The following CFAP68 variants were observed in gnomAD, a reference collection of about 807,000 sequenced individuals.
CFAP68 encodes the protein cilia and flagella associated protein 68.
chr11:111,882,566 A>T, the CFAP68 span: 2 of 1,609,642 alleles, frequency 1.2e-6, no homozygotes, highest in South Asian at 2.2e-5. Context: ...TGACCTGAGG[A>T]ATATCGTGCA....
At chr11:111,884,496 T>C in the CFAP68 span, 1 of 123,682 alleles carries the variant, frequency 8.1e-6, no homozygotes, top group Non-Finnish European at 1.7e-5. Context: ...AAAAAAAGAA[T>C]TATTTCTCTG....
the CFAP68 span, chr11:111,880,778 C>T: frequency 6.6e-6 from 3 of 456,076 alleles, no homozygotes; most frequent in Non-Finnish European, 1.3e-5. Flanking sequence ...TTTCTTGTGT[C>T]TCTTGGGGTC....
the CFAP68 span, chr11:111,883,014 C>A: frequency 1.3e-6 from 1 of 787,980 alleles, no homozygotes; most frequent in Non-Finnish European, 2.1e-6. Flanking sequence ...TATAGACTAA[C>A]ACCATAGAAC....
the CFAP68 span, chr11:111,883,644 A>T: frequency 0.28 from 196,647 of 700,688 alleles, 28,381 homozygotes; most frequent in Middle Eastern, 0.36. Flanking sequence ...AGTAAACAGG[A>T]TTTTTTCTTC....
chr11:111,884,184 T>C, the CFAP68 span: 1 of 217,428 alleles, frequency 4.6e-6, no homozygotes, highest in African/African-American at 2.3e-5. Flanking sequence ...TTAAAAAGAA[T>C]TATTTTAGGC....
the CFAP68 span, chr11:111,882,519 AC>A: frequency 6.2e-7 from 1 of 1,614,158 alleles, no homozygotes; most frequent in Admixed American, 1.7e-5. Context: ...ACCTATTCAA[AC>A]CGTACCCTGA....
chr11:111,883,173 A>G, the CFAP68 span: 2 of 1,579,536 alleles, frequency 1.3e-6, no homozygotes, highest in East Asian at 4.5e-5. Flanking sequence ...GATACAAGCT[A>G]CAACAACAAA....
At chr11:111,883,780 G>A in the CFAP68 span, 7 of 1,610,310 alleles carry the variant, frequency 4.3e-6, no homozygotes, top group Non-Finnish European at 5.9e-6. Context: ...GGATTTAAGC[G>A]AGAGCCTCAC....
At chr11:111,881,256 C>T in the CFAP68 span, 8 of 1,405,212 alleles carry the variant, frequency 5.7e-6, no homozygotes, top group Non-Finnish European at 7.4e-6. Context: ...GTACCAGGCC[C>T]ATTGGACTTT....
the CFAP68 span, chr11:111,882,523 T>C: frequency 3.7e-6 from 6 of 1,613,966 alleles, no homozygotes; most frequent in African/African-American, 8.0e-5. Context: ...ATTCAAACCG[T>C]ACCCTGATGG....
the CFAP68 span, chr11:111,879,676 T>C: frequency 1.3e-6 from 2 of 1,512,640 alleles, no homozygotes; most frequent in Admixed American, 1.7e-5. Flanking sequence ...CAGGCCACTG[T>C]GAGGGTGGTT....
the CFAP68 span, among the ~76,000 whole-genome samples, chr11:111,879,802 A>G: frequency 6.6e-6 from 1 of 152,336 alleles, no homozygotes; most frequent in East Asian, 1.9e-4. Context: ...CTCTGGGAGC[A>G]CACAGAAGAA....
chr11:111,885,357 GAT>G, the CFAP68 span: 1 of 151,950 alleles, frequency 6.6e-6, no homozygotes, highest in Non-Finnish European at 1.5e-5. Flanking sequence ...TTCTCAAAAA[GAT>G]AAGGACTGTC....
the CFAP68 span, chr11:111,885,047 A>T: frequency 6.6e-6 from 1 of 151,934 alleles, no homozygotes; most frequent in Non-Finnish European, 1.5e-5. Flanking sequence ...GCTACTTGGG[A>T]GGCTGAGGCA....
the CFAP68 span, chr11:111,879,690 A>G: frequency 2.8e-6 from 4 of 1,443,152 alleles, no homozygotes; most frequent in South Asian, 1.1e-5. Flanking sequence ...GGTGGTTACG[A>G]TATGTGGATG....
the CFAP68 span, chr11:111,885,315 C>CA: frequency 2.0e-5 from 3 of 151,926 alleles, no homozygotes; most frequent in African/African-American, 2.4e-5. Context: ...CCATCTCTAC[C>CA]AAAAAAAATT....
the CFAP68 span, among the ~76,000 whole-genome samples, chr11:111,880,302 T>C: frequency 6.6e-6 from 1 of 152,114 alleles, no homozygotes; most frequent in African/African-American, 2.4e-5. Flanking sequence ...ATGTCAGAGG[T>C]ATTTATACCA....
At chr11:111,881,390 C>G in the CFAP68 span, 1 of 1,517,306 alleles carries the variant, frequency 6.6e-7, no homozygotes, top group Non-Finnish European at 8.8e-7. Flanking sequence ...GCATTATTGG[C>G]TTTGTTTCTG....
At chr11:111,883,163 G>A in the CFAP68 span, 16 of 1,580,390 alleles carry the variant, frequency 1.0e-5, no homozygotes, top group South Asian at 1.7e-4. Flanking sequence ...AACAACATAT[G>A]ATACAAGCTA....
Sources: gnomAD v4.1 joint callset for allele counts (sites outside exome capture counted in the v4.1 genomes callset) on GRCh38, gnomAD v4.1.1 for gene constraint, MANE v1.5 for transcripts, NCBI Gene and HGNC (gene_info 2026-07-23, HGNC 2026-07-21) for gene names.